The following STK32B variants were observed in gnomAD, a reference collection of about 807,000 sequenced individuals.
STK32B encodes the protein serine/threonine kinase 32B.
In STK32B, 43 loss-of-function variants were observed where a neutral mutation model predicts 52.6. The ratio of observed to expected loss-of-function variants is 0.82; its 90% CI spans 0.64 to 1.05. STK32B has a LOEUF of 1.05. STK32B is among the 50% of genes least tolerant of loss of function. The pLI is 0.00. For missense variants in STK32B, 621 were observed against 534.6 expected, an observed-to-expected ratio of 1.16 and a Z score of -1.59; for synonymous variants, 238 against 204.3, an observed-to-expected ratio of 1.17 and a Z score of -1.41.
At position 5,468,217 on chromosome 4, in the gene STK32B, G is replaced by A. The variant is rs977474410; in HGVS notation, c.1106+147G>A. The A allele has an allele frequency of 6.0e-5, 45 of 752,642 alleles. 1 individual carries two copies. In the East Asian group the frequency reaches 1.2e-3, roughly 19 times the overall value. 46.6% of individuals were successfully genotyped at this position (752,642 alleles called of 1,614,324 possible). Reference sequence around the variant, plus strand: ...GAGGTGAGACACAGGGCTCTGGTGGGGGGTGAAACTCCTGGATTTTGAATT... The same window carrying A: ...GAGGTGAGACACAGGGCTCTGGTGGAGGGTGAAACTCCTGGATTTTGAATT... On this transcript the variant is annotated intron_variant, in intron 11 of 11. Transcript: ENST00000282908.
Position 5,309,605 on chromosome 4 carries a change from C to T in STK32B, c.261-21615C>T, listed in dbSNP as rs535041622. Among the ~76,000 whole-genome samples the T allele has an allele frequency of 2.0e-5, 3 of 152,232 alleles. No individual in the cohort carries two copies. In the South Asian group the frequency reaches 6.2e-4, roughly 32 times the overall value. On this transcript the variant is annotated intron_variant, in intron 3 of 11. Coordinates refer to ENST00000282908, the MANE Select transcript of STK32B (RefSeq NM_018401.3). ...ATATTTACAACCAATGGACTTTTGG[C>T]AAAGGTACCAATAACATTTACAGGG...
At chr4:5,030,916 T>A in the STK32B span, among the ~76,000 whole-genome samples, 12 of 152,184 alleles carry the variant, frequency 7.9e-5, no homozygotes, top group Non-Finnish European at 1.5e-4. Flanking sequence ...TACATATACA[T>A]GGAGAGAGAG....
chr4:5,232,874 G>A (rs1466460720), intron 3 of STK32B, among the ~76,000 whole-genome samples: 1 of 152,104 alleles, frequency 6.6e-6, no homozygotes, highest in African/African-American at 2.4e-5. Flanking sequence ...ATACCAGCAG[G>A]ATATTGAGGT....
At chr4:5,177,421 T>C (rs2108749011) in intron 3 of STK32B, among the ~76,000 whole-genome samples, 1 of 152,256 alleles carries the variant, frequency 6.6e-6, no homozygotes, top group East Asian at 1.9e-4. Flanking sequence ...GTGGGCATTA[T>C]AGGGATTACA....
chr4:5,154,773 G>A (rs1022858939), intron 2 of STK32B, among the ~76,000 whole-genome samples: 1 of 152,168 alleles, frequency 6.6e-6, no homozygotes, highest in Non-Finnish European at 1.5e-5. Context: ...ATGCCCATCC[G>A]CACTTAGCTT....
rs901341118 is a variant in STK32B at position 5,429,621 on chromosome 4, T to TA, written c.562+12696dup. ...AATTATATTTTGCAGTGGTTAAAAA[T>TA]AAAAAAAAACTTTGCATTTACCTTC... On this transcript the variant is annotated intron_variant, in intron 6 of 11. Transcript: ENST00000282908. 3.3e-3 allele frequency among the ~76,000 whole-genome samples: 494 copies of TA among 151,678 alleles called. 2 individuals are homozygous for TA. The highest frequency in any genetic ancestry group is 0.011 in the African/African-American group (441 of 41,432).
rs79363956 is a variant in STK32B, at chr4:5,190,682, C to T, written c.260+22232C>T. ...TAAACAGAGCTATAATTCAGAATTC[C>T]GGCCGGTGTGAATAAGGATGCTCAC... is the stretch of plus-strand genomic sequence containing the variant. On this transcript the variant is annotated intron_variant, in intron 3 of 11. Transcript: ENST00000282908. Among the ~76,000 whole-genome samples, 1,514 of 152,170 alleles carry T rather than the reference C, an allele frequency of 9.9e-3. 23 individuals carry two copies. The highest frequency in any genetic ancestry group is 0.034 in the African/African-American group (1,400 of 41,508).
At chr4:5,307,062 T>G (rs1055869904) in intron 3 of STK32B, among the ~76,000 whole-genome samples, 1 of 152,200 alleles carries the variant, frequency 6.6e-6, no homozygotes, top group Admixed American at 6.5e-5. Flanking sequence ...GCCTCACAGC[T>G]CTTAAGATTA....
At chr4:5,322,040 G>T (rs1731536855) in intron 3 of STK32B, among the ~76,000 whole-genome samples, 1 of 150,194 alleles carries the variant, frequency 6.7e-6, no homozygotes, top group African/African-American at 2.5e-5. Context: ...AGTGGGGGTG[G>T]GGGGTTGGGC....
intron 1 of STK32B, among the ~76,000 whole-genome samples, chr4:5,078,162 A>G (rs1353314031): frequency 1.3e-5 from 2 of 152,042 alleles, no homozygotes; most frequent in Non-Finnish European, 2.9e-5. Context: ...AGGGGGCACA[A>G]TACTTCCTGG....
chr4:5,049,835 C>A (rs1415668943), upstream of STK32B, among the ~76,000 whole-genome samples: 1 of 152,130 alleles, frequency 6.6e-6, no homozygotes, highest in Non-Finnish European at 1.5e-5. Context: ...GATCCACCCG[C>A]CTCAGCCTCC....
At chr4:5,135,092 T>C (rs1316874016) in intron 1 of STK32B, among the ~76,000 whole-genome samples, 1 of 152,238 alleles carries the variant, frequency 6.6e-6, no homozygotes, top group Non-Finnish European at 1.5e-5. Flanking sequence ...CACTTCCAGA[T>C]TTATCAGTCG....
chr4:5,459,048 A>G (rs559402091), intron 8 of STK32B, among the ~76,000 whole-genome samples: 1 of 152,322 alleles, frequency 6.6e-6, no homozygotes, highest in Admixed American at 6.5e-5. Flanking sequence ...GCTGCCCTGA[A>G]CAGTGAACTT....
chr4:5,163,537 GCT>G (rs1560189360), intron 2 of STK32B, among the ~76,000 whole-genome samples: 1 of 83,898 alleles, frequency 1.2e-5, no homozygotes, highest in Admixed American at 1.3e-4. Flanking sequence ...TAGAGTGAAG[GCT>G]GTGTGTGTGT....
chr4:5,138,040 A>G (rs1390811723), intron 1 of STK32B, among the ~76,000 whole-genome samples: 2 of 152,362 alleles, frequency 1.3e-5, no homozygotes, highest in Middle Eastern at 3.4e-3. Flanking sequence ...TGCTGGTTAC[A>G]TAACAAGCTG....
chr4:5,370,628 G>T (rs1291955231), intron 4 of STK32B, among the ~76,000 whole-genome samples: 2 of 152,064 alleles, frequency 1.3e-5, no homozygotes, highest in Non-Finnish European at 2.9e-5. Context: ...GAGCCCTAGT[G>T]TTGCTATGTA....
rs117241199 is a variant in STK32B at position 5,178,543 on chromosome 4, C to T, written c.260+10093C>T. On this transcript the variant is annotated intron_variant, in intron 3 of 11. Coordinates refer to ENST00000282908, the MANE Select transcript of STK32B (RefSeq NM_018401.3). ...CTACAGCCGCCTTGAATTTCTTCCC[C>T]GAAAATGGGTTTTTCTTTTCTGTCA... Among the ~76,000 whole-genome samples, 487 of 152,288 alleles carry T rather than the reference C, an allele frequency of 3.2e-3. 6 individuals are homozygous for T. The East Asian group carries it at 0.051, about 16-fold the overall frequency.
chr4:5,353,796 T>C (rs1029968247), intron 4 of STK32B, among the ~76,000 whole-genome samples: 9 of 152,112 alleles, frequency 5.9e-5, no homozygotes, highest in South Asian at 2.1e-4. Context: ...TTGGTGGGAA[T>C]GTAATTCAGT....
At position 5,357,565 on chromosome 4, in the gene STK32B, T is replaced by TA. The variant is rs113142598; in HGVS notation, c.434+26183dup. ...GGATGTTTCCTAAGACAAAACATTC[T>TA]AAAAAAAAAAATGTTCTCTGGGCAG... On this transcript the variant is annotated intron_variant, in intron 4 of 11. Transcript: ENST00000282908. Among the ~76,000 whole-genome samples, 655 of 147,356 alleles carry TA rather than the reference T, an allele frequency of 4.4e-3. 1 individual carries two copies. Among genetic ancestry groups the TA allele is most frequent in the Middle Eastern group, 0.014 (4 of 286 alleles).
Sources: gnomAD v4.1 joint callset for allele counts (sites outside exome capture counted in the v4.1 genomes callset) on GRCh38, gnomAD v4.1.1 for gene constraint, MANE v1.5 for transcripts, NCBI Gene and HGNC (gene_info 2026-07-23, HGNC 2026-07-21) for gene names.